The following UPK1B variants were observed in gnomAD, a reference collection of about 807,000 sequenced individuals.
UPK1B encodes uroplakin-1b.
Under a neutral mutation model 34.2 loss-of-function variants are expected in UPK1B, and 28 were observed. That is an observed-to-expected ratio of 0.82 (90% CI 0.61 to 1.12). UPK1B has a LOEUF of 1.12. Among genes scored for constraint, UPK1B ranks in the 50% most tolerant of loss-of-function variants. The probability of loss-of-function intolerance (pLI) is 0.00; values close to 1 mark genes in which losing one functional copy is unlikely to be tolerated. For synonymous variants in UPK1B, 81 were observed against 110.4 expected, an observed-to-expected ratio of 0.73 and a Z score of 1.67; for missense variants, 325 against 320.9, an observed-to-expected ratio of 1.01 and a Z score of -0.10.
intron 5 of UPK1B, among the ~76,000 whole-genome samples, chr3:119,191,854 T>C (rs1467632895): frequency 6.6e-6 from 1 of 152,102 alleles, no homozygotes; most frequent in Non-Finnish European, 1.5e-5. Context: ...CATCACCCCT[T>C]ATCCTTCCTT....
intron 5 of UPK1B, 94 bp from the exon 6 acceptor site, chr3:119,194,125 C>T (rs2078055993): frequency 8.0e-7 from 1 of 1,247,574 alleles, no homozygotes; most frequent in African/African-American, 1.5e-5. Flanking sequence ...GGTACACTTT[C>T]CGTATCTTCT....
At chr3:119,196,981 A>G (rs2078070592) in intron 6 of UPK1B, among the ~76,000 whole-genome samples, 1 of 151,674 alleles carries the variant, frequency 6.6e-6, no homozygotes, top group Admixed American at 6.6e-5. Flanking sequence ...CCAACTAACT[A>G]CAGGCATGTA....
At chr3:119,174,967 A>G (rs1205998571) in intron 1 of UPK1B, among the ~76,000 whole-genome samples, 3 of 148,532 alleles carry the variant, frequency 2.0e-5, no homozygotes, top group Admixed American at 6.7e-5. Context: ...TCATTTAATC[A>G]AGGGGAAAAA....
intron 5 of UPK1B, among the ~76,000 whole-genome samples, chr3:119,193,143 G>T (rs1366013679): frequency 6.6e-6 from 1 of 152,136 alleles, no homozygotes; most frequent in Non-Finnish European, 1.5e-5. Context: ...TCCTCTGCTG[G>T]GTTGTCACTC....
intron 3 of UPK1B, among the ~76,000 whole-genome samples, chr3:119,189,837 C>T (rs976599480): frequency 6.6e-5 from 10 of 152,122 alleles, no homozygotes; most frequent in Non-Finnish European, 1.2e-4. Flanking sequence ...TTTATGAGGC[C>T]CTATACTGTA....
chr3:119,185,477 C>A (rs1408569960), intron 1 of UPK1B, among the ~76,000 whole-genome samples: 1 of 152,060 alleles, frequency 6.6e-6, no homozygotes, highest in Non-Finnish European at 1.5e-5. Context: ...TGTCACCCAC[C>A]CCCACCTCAC....
Position 119,199,284 on chromosome 3 carries a change from G to A in UPK1B, c.732+144G>A, listed in dbSNP as rs73854428. 330 of 882,236 alleles carry A rather than the reference G, an allele frequency of 3.7e-4. 2 individuals carry two copies. In the African/African-American group the frequency reaches 4.9e-3, roughly 13 times the overall value. The allele number at this position is 882,236 out of a possible 1,614,324, so 54.7% of individuals were successfully genotyped here. ...GGCTAGTCAGGAAACTTCTGGCACC[G>A]GAAGAAGGACAGTGGGTTCTCTTGA... On this transcript the variant is annotated intron_variant, in intron 7 of 7. Coordinates refer to ENST00000264234, the MANE Select transcript of UPK1B (RefSeq NM_006952.4).
intron 1 of UPK1B, among the ~76,000 whole-genome samples, chr3:119,179,345 A>C (rs2077974456): frequency 9.3e-6 from 1 of 107,476 alleles, no homozygotes; most frequent in Non-Finnish European, 1.9e-5. Context: ...GGAGAGAGAG[A>C]GAGGGAGATA....
Position 119,187,975 on chromosome 3 carries a change from G to A in UPK1B, c.270G>A (p.Ala90=), listed in dbSNP as rs191853885. 3.4e-5 allele frequency: 55 copies of A among 1,614,130 alleles called. No homozygotes were observed. The Middle Eastern group carries it at 6.6e-4, about 19-fold the overall frequency. Residue 90 remains alanine, a splice_region_variant and synonymous_variant, in exon 3 of 8, where the codon GCG becomes GCA. Transcript: ENST00000264234. ...IMKSSRKILL[A]YFILMFIVYA... ...AGTCCAGCAGGAAAATTCTTCTGGCGGTAAGACCTCAAAATTCTCTGGAGT... is the reference window on the plus strand; with the variant it reads ...AGTCCAGCAGGAAAATTCTTCTGGCAGTAAGACCTCAAAATTCTCTGGAGT...
intron 7 of UPK1B, among the ~76,000 whole-genome samples, chr3:119,202,479 T>C (rs1028299261): frequency 1.3e-5 from 2 of 152,216 alleles, no homozygotes; most frequent in African/African-American, 4.8e-5. Flanking sequence ...TAAGGTATTC[T>C]AATAAACATT....
intron 1 of UPK1B, among the ~76,000 whole-genome samples, chr3:119,176,697 C>T (rs1382378499): frequency 6.6e-6 from 1 of 152,206 alleles, no homozygotes; most frequent in East Asian, 1.9e-4. Flanking sequence ...CTGCCCTCTG[C>T]CTTCCACCGC....
intron 6 of UPK1B, among the ~76,000 whole-genome samples, chr3:119,198,840 T>A (rs541085240): frequency 1.3e-5 from 2 of 152,338 alleles, no homozygotes; most frequent in East Asian, 3.9e-4. Context: ...AAGACACAAA[T>A]AAATGTGTTG....
At chr3:119,183,809 A>G (rs1214120662) in intron 1 of UPK1B, among the ~76,000 whole-genome samples, 1 of 152,256 alleles carries the variant, frequency 6.6e-6, no homozygotes, top group Non-Finnish European at 1.5e-5. Flanking sequence ...TGCCTAACAT[A>G]GTGCCCAGAG....
intron 3 of UPK1B, 141 bp downstream of exon 3, chr3:119,188,116 C>A: frequency 2.2e-6 from 2 of 895,176 alleles, no homozygotes. Context: ...ACTTTCCCTG[C>A]AGTGAAATGG....
intron 1 of UPK1B, among the ~76,000 whole-genome samples, chr3:119,179,752 C>A (rs1164119343): frequency 6.9e-6 from 1 of 145,728 alleles, no homozygotes; most frequent in African/African-American, 2.5e-5. Flanking sequence ...CGTGATCCAC[C>A]CGCCTCGGCC....
At chr3:119,182,594 T>C (rs2077994262) in intron 1 of UPK1B, among the ~76,000 whole-genome samples, 1 of 152,222 alleles carries the variant, frequency 6.6e-6, no homozygotes, top group Non-Finnish European at 1.5e-5. Context: ...ACAGTAATGA[T>C]AATGACAGCA....
At chr3:119,190,615 C>G (rs1428205305) in intron 4 of UPK1B, among the ~76,000 whole-genome samples, 1 of 152,190 alleles carries the variant, frequency 6.6e-6, no homozygotes, top group Non-Finnish European at 1.5e-5. Flanking sequence ...AGTTTGTAAT[C>G]CCCTGTGGGT....
At chr3:119,195,843 C>T (rs187004734) in intron 6 of UPK1B, among the ~76,000 whole-genome samples, 36 of 152,280 alleles carry the variant, frequency 2.4e-4, no homozygotes, top group Admixed American at 2.3e-3. Flanking sequence ...AAACCTGAAG[C>T]TTTTCTCAAG....
chr3:119,175,785 T>C (rs2077954213), intron 1 of UPK1B, among the ~76,000 whole-genome samples: 1 of 152,202 alleles, frequency 6.6e-6, no homozygotes. Context: ...ACCACATGTA[T>C]CTAGGGAGTG....
Sources: gnomAD v4.1 joint callset for allele counts (sites outside exome capture counted in the v4.1 genomes callset) on GRCh38, gnomAD v4.1.1 for gene constraint, MANE v1.5 for transcripts, NCBI Gene and HGNC (gene_info 2026-07-23, HGNC 2026-07-21) for gene names.